The following PLA2G4C variants were observed in gnomAD, a reference collection of about 807,000 sequenced individuals.
PLA2G4C encodes phospholipase A2 group IVC.
In PLA2G4C, 64 loss-of-function variants were observed where a neutral mutation model predicts 73.8. The ratio of observed to expected loss-of-function variants is 0.87; its 90% CI spans 0.71 to 1.07. The LOEUF (loss-of-function observed/expected upper bound fraction) is 1.07, where lower values mean the gene tolerates loss of function less well. Ranked by LOEUF, PLA2G4C falls within the 50% of genes least tolerant of loss-of-function variation. PLA2G4C has a pLI of 0.00. For synonymous variants in PLA2G4C, 254 were observed against 252.1 expected (o/e 1.01, Z -0.07); for missense variants, 622 against 665.4 (o/e 0.93, Z 0.72).
At chr19:48,077,129 T>C (rs1202082941) in intron 11 of PLA2G4C, among the ~76,000 whole-genome samples, 1 of 152,200 alleles carries the variant, frequency 6.6e-6, no homozygotes, top group Non-Finnish European at 1.5e-5. Context: ...ATTTTCTGCC[T>C]CTGACACTTG....
intron 4 of PLA2G4C, among the ~76,000 whole-genome samples, chr19:48,100,811 G>A (rs1455999490): frequency 6.7e-6 from 1 of 148,892 alleles, no homozygotes; most frequent in Non-Finnish European, 1.5e-5. Flanking sequence ...CTACTCGAGA[G>A]GCTGAGGCAG....
At chr19:48,106,717 A>T in intron 1 of PLA2G4C, 156 bp from the exon 2 acceptor site, 5 of 614,514 alleles carry the variant, frequency 8.1e-6, no homozygotes, top group Middle Eastern at 8.3e-4. Context: ...AAAGAGAGAG[A>T]GTTTAATAAT....
At chr19:48,064,373 A>C (rs1406823334) in intron 13 of PLA2G4C, among the ~76,000 whole-genome samples, 1 of 151,854 alleles carries the variant, frequency 6.6e-6, no homozygotes, top group Non-Finnish European at 1.5e-5. Context: ...AGGTTGCAGT[A>C]ATCTGAGATT....
At chr19:48,105,926 C>T (rs1471214776) in intron 2 of PLA2G4C, among the ~76,000 whole-genome samples, 1 of 26,642 alleles carries the variant, frequency 3.8e-5, no homozygotes, top group Admixed American at 3.3e-4. Flanking sequence ...TCCCTCCCTC[C>T]CTCCCTCCCT....
At chr19:48,109,748 C>G (rs1469124815) in intron 1 of PLA2G4C, among the ~76,000 whole-genome samples, 1 of 152,032 alleles carries the variant, frequency 6.6e-6, no homozygotes, top group Non-Finnish European at 1.5e-5. Flanking sequence ...CTTCCGGGCT[C>G]ACGCCATTCT....
chr19:48,060,379 C>T (rs377611930), intron 14 of PLA2G4C, among the ~76,000 whole-genome samples: 31 of 152,204 alleles, frequency 2.0e-4, no homozygotes, highest in Non-Finnish European at 2.4e-4. Context: ...CACATGTGGC[C>T]GGCAACCACT....
intron 10 of PLA2G4C, among the ~76,000 whole-genome samples, chr19:48,084,630 G>C (rs754949993): frequency 7.2e-4 from 109 of 152,334 alleles, no homozygotes; most frequent in Non-Finnish European, 9.6e-4. Flanking sequence ...CAAGTGTTGC[G>C]ATTACGGGTG....
chr19:48,068,705 T>C (rs535799544), intron 12 of PLA2G4C, among the ~76,000 whole-genome samples: 3 of 148,610 alleles, frequency 2.0e-5, no homozygotes, highest in Non-Finnish European at 4.5e-5. Context: ...ACTCAGATCA[T>C]TTAGATACAA....
At chr19:48,054,840 T>C (rs1967871399) in intron 15 of PLA2G4C, 38 bp downstream of exon 15, 2 of 1,585,238 alleles carry the variant, frequency 1.3e-6, no homozygotes, top group Non-Finnish European at 8.7e-7. Context: ...CATGGACTAA[T>C]ACAGGTGGCT....
chr19:48,088,785 G>T, intron 8 of PLA2G4C, 73 bp from the exon 9 acceptor site: 2 of 1,108,570 alleles, frequency 1.8e-6, no homozygotes, highest in Non-Finnish European at 2.8e-6. Flanking sequence ...AAAAAATACA[G>T]ATGACCTGCA....
At chr19:48,105,550 C>T (rs2032133914) in intron 2 of PLA2G4C, 106 bp from the exon 3 acceptor site, 6 of 766,332 alleles carry the variant, frequency 7.8e-6, no homozygotes, top group South Asian at 6.6e-5. Flanking sequence ...GCCACCAGCC[C>T]ACGGGTACAT....
intron 12 of PLA2G4C, 36 bp downstream of exon 12, chr19:48,074,731 T>A (rs1295345447): frequency 7.0e-7 from 1 of 1,430,820 alleles, no homozygotes; most frequent in African/African-American, 1.4e-5. Context: ...TGGTGGCACT[T>A]ACTGTTGATG....
At chr19:48,068,378 A>G (rs1968528821) in intron 12 of PLA2G4C, among the ~76,000 whole-genome samples, 1 of 151,812 alleles carries the variant, frequency 6.6e-6, no homozygotes, top group Non-Finnish European at 1.5e-5. Context: ...TCCTAATTCA[A>G]TAGGACTGGG....
At chr19:48,101,526 G>GAGCTATGTGGACTAGCT (rs1239578736) in intron 4 of PLA2G4C, among the ~76,000 whole-genome samples, 2 of 152,002 alleles carry the variant, frequency 1.3e-5, no homozygotes, top group Non-Finnish European at 2.9e-5. Context: ...CATAGCTCTT[G>GAGCTATGTGGACTAGCT]AGCCCCTGAA....
chr19:48,057,483 CTTTTTTTTT>C (rs1171271257), intron 14 of PLA2G4C, among the ~76,000 whole-genome samples: 1 of 17,912 alleles, frequency 5.6e-5, no homozygotes, highest in African/African-American at 1.6e-4. Flanking sequence ...TCTTCTTCTT[CTTTTTTTTT>C]TTTTTTTTTT....
At chr19:48,076,930 C>T (rs1167898416) in intron 11 of PLA2G4C, among the ~76,000 whole-genome samples, 6 of 152,096 alleles carry the variant, frequency 3.9e-5, no homozygotes, top group Admixed American at 3.9e-4. Context: ...CGCAGCATAG[C>T]CTCTCCTGAA....
chr19:48,058,312 A>T (rs921775041), intron 14 of PLA2G4C, among the ~76,000 whole-genome samples: 8 of 151,844 alleles, frequency 5.3e-5, no homozygotes, highest in African/African-American at 1.7e-4. Context: ...AAAAAAAAAA[A>T]ATTTGTGTGG....
rs551935466 is a variant in PLA2G4C at position 48,097,760 on chromosome 19, T to C, written c.568+379A>G. On this transcript the variant is annotated intron_variant, in intron 6 of 16. Coordinates refer to ENST00000599921, the MANE Select transcript of PLA2G4C (RefSeq NM_003706.3). The stretch of plus-strand genomic sequence containing the variant: ...CCTGCCACCATGCTTGGCTAATTTA[T>C]TGTGTTTTTTTGTTTTGTTTTGTTT... The C allele has an allele frequency of 1.2e-4, 20 of 169,222 alleles. No homozygotes were observed. The East Asian group carries it at 3.3e-3, about 28-fold the overall frequency. The allele number at this position is 169,222 out of a possible 1,614,324, so 10.5% of individuals were successfully genotyped here.
rs569005051 is a variant in PLA2G4C at position 48,079,631 on chromosome 19, G to A, written c.845-1807C>T. On this transcript the variant is annotated intron_variant, in intron 10 of 16. Transcript: ENST00000599921. ...TCTTCTAGATGTTGGCTTAGGCAAC[G>A]AGTTCATGACCAAGAGCCCAAAAGC... Among the ~76,000 whole-genome samples, 5 of 152,276 alleles carry A rather than the reference G, an allele frequency of 3.3e-5. No individual in the cohort carries two copies. In the East Asian group the frequency reaches 7.7e-4, roughly 23 times the overall value.
Sources: allele counts gnomAD v4.1 joint callset (sites outside exome capture counted in the v4.1 genomes callset), GRCh38; gene constraint gnomAD v4.1.1; transcripts MANE v1.5; gene names NCBI Gene and HGNC (gene_info 2026-07-23, HGNC 2026-07-21).